BCAR3: variants seen among roughly 807,000 people sequenced by gnomAD.
BCAR3 encodes BCAR3 adaptor protein, NSP family member, also known as breast cancer anti-estrogen resistance protein 3.
BCAR3 carries 37 observed loss-of-function variants against 80.1 expected under a neutral mutation model. That is an observed-to-expected ratio of 0.46 (90% CI 0.36 to 0.61). The LOEUF (loss-of-function observed/expected upper bound fraction) is 0.61, where lower values mean the gene tolerates loss of function less well. BCAR3 is among the 20% of genes least tolerant of loss of function. BCAR3 has a pLI of 0.00. For synonymous variants in BCAR3, 389 were observed against 418.9 expected (o/e 0.93, Z 0.87); for missense variants, 978 against 1,068.2 (o/e 0.92, Z 1.18).
At chr1:93,582,192 C>CA in intron 7 of BCAR3, 109 bp downstream of exon 7, 1 of 1,386,700 alleles carries the variant, frequency 7.2e-7, no homozygotes, top group Non-Finnish European at 9.7e-7. Flanking sequence ...AGAGTGAGGC[C>CA]AGATGGATCC....
rs143458770 is a variant in BCAR3 at position 93,582,926 on chromosome 1, C to T, written c.1061G>A (p.Gly354Asp). 322 of 1,597,090 alleles carry T rather than the reference C, an allele frequency of 2.0e-4. 1 individual carries two copies. The African/African-American group carries it at 3.1e-3, about 15-fold the overall frequency. The change falls in exon 7 of 12, where the codon GGT becomes GAT. Residue 354 changes from glycine (G) to aspartate (D), a missense_variant. By Grantham distance (94) the Gly-to-Asp change is moderately conservative. Coordinates refer to ENST00000260502, the MANE Select transcript of BCAR3 (RefSeq NM_003567.4). ...GTTTGGGCAGGGGCTTGTGTCCACA[C>T]CCGAGGACTGAGGTGGCAGCTTGCA... ...IGCKLPPQSS[G>D]VDTSPCPNSP... is the part of the protein sequence containing the mutation.
chr1:93,603,748 T>C (rs532049203), intron 3 of BCAR3, among the ~76,000 whole-genome samples: 17 of 152,314 alleles, frequency 1.1e-4, no homozygotes, highest in African/African-American at 3.4e-4. Context: ...CTACTCTGCC[T>C]CTCTGGCTAG....
At chr1:93,731,248 T>G (rs2100683728) in intron 2 of BCAR3, among the ~76,000 whole-genome samples, 1 of 152,296 alleles carries the variant, frequency 6.6e-6, no homozygotes, top group African/African-American at 2.4e-5. Context: ...AGAAAACTAG[T>G]GAAATCCAAA....
At chr1:93,708,396 C>T (rs1028015205) in intron 2 of BCAR3, among the ~76,000 whole-genome samples, 3 of 152,152 alleles carry the variant, frequency 2.0e-5, no homozygotes, top group Non-Finnish European at 4.4e-5. Context: ...TTCCAAGGGG[C>T]CTTTTTTGGT....
intron 2 of BCAR3, among the ~76,000 whole-genome samples, chr1:93,672,937 C>T (rs1164590827): frequency 6.6e-6 from 1 of 152,224 alleles, no homozygotes; most frequent in Non-Finnish European, 1.5e-5. Context: ...TCTCAATGTG[C>T]TACACTCCAG....
intron 2 of BCAR3, among the ~76,000 whole-genome samples, chr1:93,777,396 T>TTCCTCTTCCTCC (rs1407036742): frequency 1.1e-4 from 13 of 122,990 alleles, no homozygotes; most frequent in Admixed American, 2.3e-4. Flanking sequence ...CTTCCTCTTC[T>TTCCTCTTCCTCC]TCCTCTTCCT....
At chr1:93,628,094 T>C (rs1337932377) in intron 3 of BCAR3, among the ~76,000 whole-genome samples, 1 of 152,220 alleles carries the variant, frequency 6.6e-6, no homozygotes, top group Non-Finnish European at 1.5e-5. Flanking sequence ...CCTAGATTTT[T>C]ATCTTCTGAA....
chr1:93,769,182 G>A (rs1652261790), intron 2 of BCAR3, among the ~76,000 whole-genome samples: 2 of 152,180 alleles, frequency 1.3e-5, no homozygotes, highest in African/African-American at 4.8e-5. Flanking sequence ...CCGTTAGGCT[G>A]CAACTCCCTG....
At chr1:93,844,956 ACT>A (rs1427431489) in intron 2 of BCAR3, among the ~76,000 whole-genome samples, 1 of 152,066 alleles carries the variant, frequency 6.6e-6, no homozygotes, top group Non-Finnish European at 1.5e-5. Context: ...GCTTTCCCAC[ACT>A]GTCTGCTAAC....
At chr1:93,625,689 T>C (rs1675436152) in intron 3 of BCAR3, among the ~76,000 whole-genome samples, 1 of 152,182 alleles carries the variant, frequency 6.6e-6, no homozygotes, top group Admixed American at 6.5e-5. Flanking sequence ...TTAGATGCCA[T>C]CTGGAGAGGG....
At chr1:93,664,403 G>T (rs1444992147) in intron 2 of BCAR3, among the ~76,000 whole-genome samples, 1 of 152,214 alleles carries the variant, frequency 6.6e-6, no homozygotes, top group African/African-American at 2.4e-5. Flanking sequence ...ACAGGCGTGA[G>T]CCACCGCGCC....
chr1:93,691,236 C>T (rs952263128), intron 3 of BCAR3, among the ~76,000 whole-genome samples: 4 of 152,202 alleles, frequency 2.6e-5, no homozygotes, highest in African/African-American at 9.7e-5. Context: ...GAAGTGGTGA[C>T]TTCAGCCTCT....
At chr1:93,578,900 G>A (rs751410925) in intron 7 of BCAR3, among the ~76,000 whole-genome samples, 2 of 152,184 alleles carry the variant, frequency 1.3e-5, no homozygotes, top group Admixed American at 6.5e-5. Context: ...TTTAGTCCTC[G>A]CTGACCACCT....
intron 2 of BCAR3, among the ~76,000 whole-genome samples, chr1:93,735,076 C>T (rs529292947): frequency 6.6e-6 from 1 of 152,286 alleles, no homozygotes; most frequent in African/African-American, 2.4e-5. Context: ...CTGTGGTGTT[C>T]CCCATCACTA....
chr1:93,636,982 T>A (rs58006456), intron 3 of BCAR3, among the ~76,000 whole-genome samples: 2 of 151,960 alleles, frequency 1.3e-5, no homozygotes, highest in African/African-American at 4.8e-5. Flanking sequence ...GTGGTCCCAG[T>A]TACCTGAGGG....
intron 2 of BCAR3, among the ~76,000 whole-genome samples, chr1:93,710,851 A>G (rs2101979648): frequency 6.6e-6 from 1 of 152,346 alleles, no homozygotes; most frequent in Admixed American, 6.5e-5. Flanking sequence ...TGAGTCTGGG[A>G]GCAGCTTAGC....
rs78619431 is a variant in BCAR3, at chr1:93,620,649, C to T, written c.357+21655G>A. Among the ~76,000 whole-genome samples the T allele has an allele frequency of 6.4e-3, 979 of 152,270 alleles. 10 individuals carry two copies. The highest frequency in any genetic ancestry group is 0.022 in the African/African-American group (905 of 41,554). On this transcript the variant is annotated intron_variant, in intron 3 of 11. Transcript: ENST00000260502. ...CCTACAGGATCCTCACTCCTCCAGC[C>T]CCACCTCCTCCTGCCCTGGCCCTGC...
intron 2 of BCAR3, among the ~76,000 whole-genome samples, chr1:93,726,884 TC>T (rs1166278197): frequency 6.6e-6 from 1 of 152,238 alleles, no homozygotes; most frequent in Non-Finnish European, 1.5e-5. Context: ...AGCCTGTACT[TC>T]CTTTACTAAC....
chr1:93,733,495 C>A (rs1018995907), intron 2 of BCAR3, among the ~76,000 whole-genome samples: 2 of 152,120 alleles, frequency 1.3e-5, no homozygotes, highest in East Asian at 1.9e-4. Context: ...AGCGGGATAT[C>A]CCCCAGGACT....
Sources: allele counts gnomAD v4.1 joint callset (sites outside exome capture counted in the v4.1 genomes callset), GRCh38; gene constraint gnomAD v4.1.1; transcripts MANE v1.5; gene names NCBI Gene and HGNC (gene_info 2026-07-23, HGNC 2026-07-21).